The following ROPN1B variants were observed in gnomAD, a reference collection of about 807,000 sequenced individuals.
ROPN1B encodes the protein rhophilin associated tail protein 1B.
A neutral mutation model predicts 23.7 loss-of-function variants in ROPN1B; 13 were observed. The observed-to-expected ratio is 0.55, with a 90% CI of 0.36 to 0.87. The LOEUF is 0.87. Among genes scored for constraint, ROPN1B ranks in the 40% least tolerant of loss-of-function variants. The pLI, the probability that ROPN1B is intolerant of heterozygous loss-of-function variation, is 0.01. For synonymous variants in ROPN1B, 67 were observed against 100.4 expected (o/e 0.67, Z 1.99); for missense variants, 183 against 249.2 (o/e 0.73, Z 1.79).
Position 125,972,521 on chromosome 3 carries a change from G to C in ROPN1B, c.116+351G>C, listed in dbSNP as rs114569623. ...CCACTCTCGGTGGAAAGAAGGGCTG[G>C]GAATCTCCGCAGCTTAATCTGCCTT... On this transcript the variant is annotated intron_variant, in intron 3 of 6. Coordinates refer to ENST00000514116, the MANE Select transcript of ROPN1B (RefSeq NM_001308313.2). The C allele has an allele frequency of 2.3e-3, 1,094 of 478,712 alleles. 11 individuals are homozygous for C. Among genetic ancestry groups the C allele is most frequent in the African/African-American group, 0.02 (1,008 of 51,642 alleles). 29.7% of individuals were successfully genotyped at this position (478,712 alleles called of 1,614,324 possible).
chr3:125,981,971 T>G (rs1173333226), intron 5 of ROPN1B, among the ~76,000 whole-genome samples: 1 of 152,214 alleles, frequency 6.6e-6, no homozygotes, highest in Non-Finnish European at 1.5e-5. Flanking sequence ...ACTTCCCTCC[T>G]TTAGTGAGGG....
chr3:125,974,533 G>A (rs1252473695), intron 3 of ROPN1B, among the ~76,000 whole-genome samples: 1 of 152,172 alleles, frequency 6.6e-6, no homozygotes, highest in Non-Finnish European at 1.5e-5. Context: ...AAAAAGCAGG[G>A]CGGAACAGAA....
chr3:125,980,265 C>T (rs1248606596), intron 5 of ROPN1B, among the ~76,000 whole-genome samples: 1 of 152,172 alleles, frequency 6.6e-6, no homozygotes, highest in Admixed American at 6.5e-5. Flanking sequence ...ATTTAAAAAT[C>T]TTACGAGGCA....
At chr3:125,972,430 G>A (rs1938249356) in intron 3 of ROPN1B, 5 of 533,244 alleles carry the variant, frequency 9.4e-6, no homozygotes, top group Non-Finnish European at 1.3e-5. Flanking sequence ...CCTGGGGCAA[G>A]CAGCAAGTTA....
chr3:125,975,421 A>C, intron 3 of ROPN1B, 142 bp from the exon 4 acceptor site: 1 of 708,802 alleles, frequency 1.4e-6, no homozygotes, highest in Non-Finnish European at 2.3e-6. Flanking sequence ...TAAGTGAACT[A>C]AACACAATGA....
At position 125,982,213 on chromosome 3, in the gene ROPN1B, T is replaced by C. The variant is rs557535281; in HGVS notation, c.397-57T>C. On this transcript the variant is annotated intron_variant, in intron 5 of 6. Transcript: ENST00000514116. ...GTTTTCTTTCTTGTATCTAAATGGA[T>C]CTCAGGAATATTGCCTGGAAGAGTA... The C allele has an allele frequency of 1.4e-5, 20 of 1,413,508 alleles. No homozygotes were observed. In the Admixed American group the frequency reaches 3.0e-4, roughly 21 times the overall value. The allele number at this position is 1,413,508 out of a possible 1,614,324, so 87.6% of individuals were successfully genotyped here. A position where few individuals can be genotyped will look rare whatever the true frequency, so the allele number is the denominator to read the frequency against.
intron 5 of ROPN1B, among the ~76,000 whole-genome samples, chr3:125,981,027 C>CCCCT (rs1345693906): frequency 1.3e-5 from 2 of 150,596 alleles, no homozygotes; most frequent in African/African-American, 5.0e-5. Context: ...CTGCCTCAAA[C>CCCCT]TCATTTTTTT....
Position 125,983,423 on chromosome 3 carries a change from C to T in ROPN1B, c.*103C>T, listed in dbSNP as rs1476551448. 2 of 783,554 alleles carry T rather than the reference C, an allele frequency of 2.6e-6. No individual in the cohort carries two copies. The highest frequency in any genetic ancestry group is 4.5e-6 in the Non-Finnish European group (2 of 445,850). 48.5% of individuals were successfully genotyped at this position (783,554 alleles called of 1,614,324 possible). On this transcript the variant is annotated 3_prime_UTR_variant, in exon 7 of 7. Transcript: ENST00000514116. ...AATCAATTTTCTTGTACAACTGGTA[C>T]ACACTAATAAACAAACATGTGAGAT...
rs138282395 is a variant in ROPN1B, at chr3:125,975,624, G to T, written c.178G>T (p.Ala60Ser). ...PPVRERSERV[A>S]LCNWAELTPE... ...GGTGAGAGAGCGGTCTGAGCGAGTC[G>T]CTTTGTGTAACTGGGCAGAGCTAAC... Residue 60 changes from alanine to serine, a missense_variant, in exon 4 of 7, where the codon GCT becomes TCT. This residue lies in a region of ROPN1B where 97 missense variants were observed against 99.6 expected (regional missense o/e 0.97). Coordinates refer to ENST00000514116, the MANE Select transcript of ROPN1B (RefSeq NM_001308313.2). The T allele has an allele frequency of 6.2e-7, 1 of 1,614,074 alleles. No homozygotes were observed. Among genetic ancestry groups the T allele is most frequent in the South Asian group, 1.1e-5 (1 of 91,054 alleles).
intron 5 of ROPN1B, 124 bp from the exon 6 acceptor site, chr3:125,982,146 T>C: frequency 1.3e-6 from 1 of 760,866 alleles, no homozygotes; most frequent in East Asian, 3.1e-5. Flanking sequence ...CTTTCTAGAA[T>C]CTTAAATTGT....
At chr3:125,983,005 G>A (rs113741879) in intron 6 of ROPN1B, among the ~76,000 whole-genome samples, 7,926 of 152,142 alleles carry the variant, frequency 0.052, 637 homozygotes, top group African/African-American at 0.17. Flanking sequence ...TTAGCTGGGC[G>A]TGGTGGTGTG....
intron 4 of ROPN1B, 33 bp downstream of exon 4, chr3:125,975,713 T>TAGGGACAGTGTTG (rs1938385581): frequency 1.3e-6 from 2 of 1,575,524 alleles, no homozygotes; most frequent in African/African-American, 2.7e-5. Flanking sequence ...GAGGAGAATG[T>TAGGGACAGTGTTG]AGGGACAGTG....
At chr3:125,977,726 GA>G (rs1938475320) in intron 5 of ROPN1B, 1 of 162,640 alleles carries the variant, frequency 6.1e-6, no homozygotes, top group Non-Finnish European at 1.4e-5. Flanking sequence ...TTTGATATTG[GA>G]AAAACAATTT....
chr3:125,972,265 G>C (rs771985077), intron 3 of ROPN1B, 95 bp downstream of exon 3: 4 of 1,157,606 alleles, frequency 3.5e-6, no homozygotes, highest in Admixed American at 3.8e-5. Context: ...CAGCCAGGGG[G>C]TCGGGACTAA....
chr3:125,978,107 G>A (rs1015426941), intron 5 of ROPN1B: 4 of 152,186 alleles, frequency 2.6e-5, no homozygotes, highest in Non-Finnish European at 5.9e-5. Flanking sequence ...GCTTTAAAGA[G>A]AAGTGAACAA....
intron 5 of ROPN1B, among the ~76,000 whole-genome samples, chr3:125,978,329 C>T (rs7638833): frequency 0.68 from 103,768 of 152,018 alleles, 36,957 homozygotes; most frequent in African/African-American, 0.9. Context: ...CATTTGGAGA[C>T]GTTTTGGGGG....
chr3:125,981,399 T>C (rs1047647850), intron 5 of ROPN1B, among the ~76,000 whole-genome samples: 2 of 152,250 alleles, frequency 1.3e-5, no homozygotes, highest in African/African-American at 4.8e-5. Flanking sequence ...TCACTCACCC[T>C]AAGTCACCAC....
In ROPN1B at chr3:125,973,045, G is replaced by T. The variant is rs545377636; in HGVS notation, c.116+875G>T. Reference sequence around the variant, plus strand: ...ACTGGGGAACCAGGACTTGAGACAGGAGTTGGAAGATAACTAGACCTCACG... The same window carrying T: ...ACTGGGGAACCAGGACTTGAGACAGTAGTTGGAAGATAACTAGACCTCACG... On this transcript the variant is annotated intron_variant, in intron 3 of 6. Transcript: ENST00000514116. 8 of 364,436 alleles carry T rather than the reference G, an allele frequency of 2.2e-5. No homozygotes were observed. The East Asian group carries it at 5.1e-4, about 23-fold the overall frequency. The allele number at this position is 364,436 out of a possible 1,614,324, so 22.6% of individuals were successfully genotyped here.
At chr3:125,981,759 G>A (rs1172372336) in intron 5 of ROPN1B, among the ~76,000 whole-genome samples, 1 of 152,142 alleles carries the variant, frequency 6.6e-6, no homozygotes, top group East Asian at 1.9e-4. Flanking sequence ...ATGCTTTGGA[G>A]GAAGGTTTAT....
Sources: allele counts gnomAD v4.1 joint callset (sites outside exome capture counted in the v4.1 genomes callset), GRCh38; gene constraint gnomAD v4.1.1; regional missense constraint gnomAD v4.1.1; transcripts MANE v1.5; gene names NCBI Gene and HGNC (gene_info 2026-07-23, HGNC 2026-07-21).